DGKZ: variants seen among roughly 807,000 people sequenced by gnomAD.
The protein encoded by DGKZ is DAG kinase zeta.
Under a neutral mutation model 142.5 loss-of-function variants are expected in DGKZ, and 45 were observed. The ratio of observed to expected loss-of-function variants is 0.32; its 90% CI spans 0.25 to 0.40. DGKZ has a LOEUF of 0.40. Among genes scored for constraint, DGKZ ranks in the 10% least tolerant of loss-of-function variants. The probability of loss-of-function intolerance (pLI) is 1.00; values close to 1 mark genes in which losing one functional copy is unlikely to be tolerated. For missense variants in DGKZ, 755 were observed against 1,306.5 expected, an observed-to-expected ratio of 0.58 and a Z score of 6.51; for synonymous variants, 442 against 527.0, an observed-to-expected ratio of 0.84 and a Z score of 2.21.
At chr11:46,371,844 C>T (rs1943983863) in intron 9 of DGKZ, 69 bp downstream of exon 9, 2 of 1,536,286 alleles carry the variant, frequency 1.3e-6, no homozygotes. Flanking sequence ...GGGTACAGAA[C>T]TTCCACCCCC....
rs563662269 is a variant in DGKZ at position 46,355,463 on chromosome 11, CT to C, written c.161+7646del. Among the ~76,000 whole-genome samples the C allele has an allele frequency of 2.7e-3, 405 of 152,272 alleles. 1 individual carries two copies. The highest frequency in any genetic ancestry group is 9.0e-3 in the African/African-American group (372 of 41,550). On this transcript the variant is annotated intron_variant, in intron 1 of 30. Coordinates refer to ENST00000527911, the Ensembl canonical transcript of DGKZ. Reference sequence around the variant, plus strand: ...GGGAATTGTTTCCCAGGAACAAACACTTTCTCCTTCAAGCCTGCAACACTCC... The same window carrying C: ...GGGAATTGTTTCCCAGGAACAAACACTTCTCCTTCAAGCCTGCAACACTCC...
chr11:46,356,041 G>A (rs1391247028), intron 1 of DGKZ, among the ~76,000 whole-genome samples: 2 of 152,292 alleles, frequency 1.3e-5, no homozygotes, highest in Admixed American at 1.3e-4. Context: ...CCACCCGCCC[G>A]GCCAGGGTGT....
intron 7 of DGKZ, 29 bp downstream of exon 7, chr11:46,371,413 G>A (rs1428497609): frequency 6.2e-7 from 1 of 1,611,900 alleles, no homozygotes; most frequent in Admixed American, 1.7e-5. Context: ...CCCAGGGCCA[G>A]GCCCTGCACT....
chr11:46,366,932 G>A, intron 1 of DGKZ: 1 of 1,542,056 alleles, frequency 6.5e-7, no homozygotes, highest in Non-Finnish European at 8.7e-7. Context: ...CAGGCGCCAG[G>A]TAGCCCTACG....
intron 1 of DGKZ, among the ~76,000 whole-genome samples, chr11:46,341,043 G>A (rs972975056): frequency 2.0e-5 from 3 of 152,202 alleles, no homozygotes; most frequent in African/African-American, 7.2e-5. Flanking sequence ...AGCTACTTAG[G>A]AGGCTGAGGC....
intron 1 of DGKZ, among the ~76,000 whole-genome samples, chr11:46,351,542 G>A (rs939461956): frequency 6.6e-6 from 1 of 152,208 alleles, no homozygotes; most frequent in Non-Finnish European, 1.5e-5. Context: ...AGGGAGGGAC[G>A]TGTTGAGGGA....
rs1944751897 is a variant in DGKZ, at chr11:46,378,020, G to T, written c.2343-178G>T. ...GAACTAGAATGTAAGCTCCATGAGGGCAAGGCCTTCCTCTGTCTCGTTTCC... is the reference window on the plus strand; with the variant it reads ...GAACTAGAATGTAAGCTCCATGAGGTCAAGGCCTTCCTCTGTCTCGTTTCC... On this transcript the variant is annotated intron_variant, in intron 25 of 30. Transcript: ENST00000527911. 5 of 733,694 alleles carry T rather than the reference G, an allele frequency of 6.8e-6. No individual in the cohort carries two copies. The South Asian group carries it at 8.3e-5, about 12-fold the overall frequency. The allele number at this position is 733,694 out of a possible 1,614,324, so 45.4% of individuals were successfully genotyped here.
At chr11:46,349,125 T>C (rs184499366) in intron 1 of DGKZ, among the ~76,000 whole-genome samples, 2 of 152,362 alleles carry the variant, frequency 1.3e-5, no homozygotes, top group Admixed American at 6.5e-5. Flanking sequence ...GCACCTGCAC[T>C]CTGTCTCTGA....
At chr11:46,342,322 G>C (rs1940319897) in intron 1 of DGKZ, among the ~76,000 whole-genome samples, 1 of 152,192 alleles carries the variant, frequency 6.6e-6, no homozygotes, top group South Asian at 2.1e-4. Flanking sequence ...AGGAGTGCAA[G>C]TTCAAGGTGG....
chr11:46,376,294 T>C, intron 22 of DGKZ, 34 bp from the exon 23 acceptor site: 1 of 1,613,242 alleles, frequency 6.2e-7, no homozygotes, highest in Non-Finnish European at 8.5e-7. Flanking sequence ...TGGCCCCCAC[T>C]CTATCCCAGC....
At position 46,364,322 on chromosome 11, in the gene DGKZ, A is replaced by C; in HGVS notation, c.162-2969A>C. The C allele has an allele frequency of 4.0e-6, 5 of 1,262,340 alleles. No homozygotes were observed. The South Asian group carries it at 6.2e-5, about 16-fold the overall frequency. 78.2% of individuals were successfully genotyped at this position (1,262,340 alleles called of 1,614,324 possible). A position where few individuals can be genotyped will look rare whatever the true frequency, so the allele number is the denominator to read the frequency against. The stretch of plus-strand genomic sequence containing the variant: ...CCTTGGGGTTGCAGTTTATGAAATG[A>C]TCTAAGTGTTTGTCAGGGGCTTAGC... On this transcript the variant is annotated intron_variant, in intron 1 of 30. Coordinates refer to ENST00000527911, the Ensembl canonical transcript of DGKZ.
chr11:46,333,058 C>A, exon 1 of DGKZ: 1 of 370,404 alleles, frequency 2.7e-6, no homozygotes, highest in Non-Finnish European at 4.7e-6. Context: ...AGCCCCCGCC[C>A]CCCCGGAGCG....
At chr11:46,342,710 G>A (rs1590379796), upstream of DGKZ, among the ~76,000 whole-genome samples, 3 of 152,230 alleles carry the variant, frequency 2.0e-5, no homozygotes, top group African/African-American at 7.2e-5. Context: ...GCAGCAATAG[G>A]ATGTTTTATT....
chr11:46,359,937 A>C (rs1028801529), intron 1 of DGKZ, among the ~76,000 whole-genome samples: 3 of 152,110 alleles, frequency 2.0e-5, no homozygotes, highest in Non-Finnish European at 4.4e-5. Flanking sequence ...TTTAGATTCC[A>C]CATTGCAACT....
chr11:46,379,733 C>A, intron 30 of DGKZ, 98 bp from the exon 31 acceptor site: 1 of 1,365,220 alleles, frequency 7.3e-7, no homozygotes. Context: ...GCCTCCCTCC[C>A]TGACCAGGCC....
intron 21 of DGKZ, 52 bp downstream of exon 21, chr11:46,376,003 C>A: frequency 2.5e-6 from 4 of 1,611,700 alleles, no homozygotes; most frequent in Non-Finnish European, 3.4e-6. Flanking sequence ...CTGAAGCAGC[C>A]GGGGCCCCCT....
chr11:46,378,726 C>T lies in DGKZ; in HGVS notation c.2418+226C>T, dbSNP rs1254633377. The T allele has an allele frequency of 1.1e-5, 9 of 841,476 alleles. No individual in the cohort carries two copies. In the East Asian group the frequency reaches 1.8e-4, roughly 17 times the overall value. The allele number at this position is 841,476 out of a possible 1,614,324, so 52.1% of individuals were successfully genotyped here. A position where few individuals can be genotyped will look rare whatever the true frequency, so the allele number is the denominator to read the frequency against. ...GCTTCCTAGCTCAGTCCACCTGTCC[C>T]TGGTGCTTAGAAAGGAGCAGGTCAG... On this transcript the variant is annotated intron_variant, in intron 27 of 30. Transcript: ENST00000527911.
At chr11:46,357,096 G>A (rs886358609) in intron 1 of DGKZ, among the ~76,000 whole-genome samples, 1 of 152,156 alleles carries the variant, frequency 6.6e-6, no homozygotes, top group Non-Finnish European at 1.5e-5. Flanking sequence ...AGGCACTAAA[G>A]GAATGGGTTG....
chr11:46,368,039 A>T (rs140123037), exon 4 of DGKZ: 1 of 1,613,892 alleles, frequency 6.2e-7, no homozygotes, highest in Non-Finnish European at 8.5e-7. Flanking sequence ...GCAGCCTGCA[A>T]GATTGTGGTG....
Sources: gnomAD v4.1 joint callset for allele counts (sites outside exome capture counted in the v4.1 genomes callset) on GRCh38, gnomAD v4.1.1 for gene constraint, MANE v1.5 for transcripts, NCBI Gene and HGNC (gene_info 2026-07-23, HGNC 2026-07-21) for gene names.